The following RIF1 variants were observed in gnomAD, a reference collection of about 807,000 sequenced individuals.
RIF1 encodes the protein replication timing regulatory factor 1.
In RIF1, 45 loss-of-function variants were observed where a neutral mutation model predicts 247.1. That is an observed-to-expected ratio of 0.18 (90% CI 0.14 to 0.23). The LOEUF (loss-of-function observed/expected upper bound fraction) is 0.23. RIF1 is among the 10% of genes least tolerant of loss of function. The probability of loss-of-function intolerance (pLI) is 1.00; values close to 1 mark genes in which losing one functional copy is unlikely to be tolerated. For missense variants in RIF1, 2,967 were observed against 2,862.5 expected (o/e 1.04, Z -0.83); for synonymous variants, 1,087 against 978.8 (o/e 1.11, Z -2.06).
intron 20 of RIF1, among the ~76,000 whole-genome samples, chr2:151,447,036 C>T (rs1267527551): frequency 1.3e-5 from 2 of 151,280 alleles, no homozygotes; most frequent in Admixed American, 6.6e-5. Flanking sequence ...CTCCGCCTCC[C>T]GGGTTCACGC....
intron 10 of RIF1, chr2:151,496,504 T>C (rs998612561): frequency 1.4e-6 from 2 of 1,445,804 alleles, no homozygotes; most frequent in African/African-American, 2.9e-5. Context: ...GCTGACAAAA[T>C]GCCACCAGCT....
chr2:151,518,179 T>C, the RIF1 span: 2 of 700,062 alleles, frequency 2.9e-6, no homozygotes, highest in Non-Finnish European at 5.2e-6. Flanking sequence ...AAGAATTTGT[T>C]TCAAAAAGTT....
chr2:151,450,421 T>G (rs966168293), intron 20 of RIF1, among the ~76,000 whole-genome samples: 1 of 152,164 alleles, frequency 6.6e-6, no homozygotes, highest in Non-Finnish European at 1.5e-5. Flanking sequence ...TATTAAATAC[T>G]TTGATGCCAT....
At chr2:151,471,782 A>G (rs1188590747) in intron 34 of RIF1, among the ~76,000 whole-genome samples, 2 of 152,096 alleles carry the variant, frequency 1.3e-5, no homozygotes, top group Admixed American at 1.3e-4. Flanking sequence ...GCCTTGTAGT[A>G]TAGTTTGAAG....
chr2:151,464,853 A>C lies in RIF1; in HGVS notation c.5333A>C (p.Gln1778Pro). 6.2e-7 allele frequency: 1 copy of C among 1,602,964 alleles called. No homozygotes were observed. The stretch of plus-strand genomic sequence containing the variant: ...CCTGTAAGCCCATCAGAAACTTCTC[A>C]AGCTAATCCATATTCTGAAGGACAA... ...QAPVSPSETSQANPYSEGQFL... is the reference protein window; with the variant it reads ...QAPVSPSETSPANPYSEGQFL... Residue 1778 changes from glutamine (Q) to proline (P), a missense_variant, in exon 30 of 36, where the codon CAA becomes CCA. Gln to Pro is a moderately conservative substitution (Grantham distance 76). Transcript: ENST00000444746.
chr2:151,512,721 G>A (rs1431525608), downstream of RIF1: 4 of 1,589,634 alleles, frequency 2.5e-6, no homozygotes, highest in African/African-American at 1.3e-5. Flanking sequence ...ATGGCATGAC[G>A]AATGTCCTTA....
Position 151,465,579 on chromosome 2 carries a change from A to C in RIF1, c.6059A>C (p.Asn2020Thr). The C allele has an allele frequency of 1.9e-6, 3 of 1,613,914 alleles. No individual in the cohort carries two copies. The highest frequency in any genetic ancestry group is 2.5e-6 in the Non-Finnish European group (3 of 1,179,884). ...SSEETNTKMK[N>T]NEEMMIGEAM... ...GAAGAAACGAATACCAAAATGAAAA[A>C]TAATGAAGAAATGATGATCGGCGAG... The change falls in exon 30 of 36, where the codon AAT becomes ACT. Residue 2020 changes from asparagine (N) to threonine (T), a missense_variant. Physicochemically the swap from Asn to Thr is moderately conservative, Grantham distance 65 (BLOSUM62 0). Around this residue, in one of 7 missense-constraint regions of RIF1, gnomAD observed 2,028 missense variants for 1,825.6 expected, o/e 1.11. Coordinates refer to ENST00000444746, the MANE Select transcript of RIF1 (RefSeq NM_018151.5).
chr2:151,517,544 T>TA, the RIF1 span, among the ~76,000 whole-genome samples: 6 of 152,348 alleles, frequency 3.9e-5, no homozygotes, highest in Non-Finnish European at 8.8e-5. Flanking sequence ...TGGGATATGT[T>TA]ATGAGAAAGG....
At chr2:151,446,396 C>A in intron 19 of RIF1, 30 bp from the exon 20 acceptor site, 1 of 1,561,336 alleles carries the variant, frequency 6.4e-7, no homozygotes, top group Non-Finnish European at 8.7e-7. Context: ...TATATATTAA[C>A]AAAACTTCTT....
the RIF1 span, chr2:151,525,127 A>T: frequency 5.5e-6 from 8 of 1,455,180 alleles, no homozygotes; most frequent in Non-Finnish European, 7.7e-6. Flanking sequence ...CACTGCTTCA[A>T]ATGGGCCCCC....
chr2:151,509,613 GT>G (rs112997385), downstream of RIF1, among the ~76,000 whole-genome samples: 5 of 148,786 alleles, frequency 3.4e-5, no homozygotes, highest in South Asian at 2.1e-4. Context: ...AGGAAGAGAG[GT>G]TTTTTTTTTG....
At chr2:151,531,003 T>C in the RIF1 span, 1 of 1,610,568 alleles carries the variant, frequency 6.2e-7, no homozygotes, top group Non-Finnish European at 8.5e-7. Flanking sequence ...CATCACTGAC[T>C]TCATCTTTAA....
Position 151,479,750 on chromosome 2 carries a change from T to C in RIF1, c.*4679T>C, listed in dbSNP as rs2049090482. ...TGGAATTCTGTTAAGGTGTTAGATT[T>C]TCCTCACATATTTAAATAATCTGTA... On this transcript the variant is annotated 3_prime_UTR_variant, in exon 36 of 36. Transcript: ENST00000444746. The C allele has an allele frequency of 6.6e-6, 1 of 152,188 alleles. No homozygotes were observed. 9.4% of individuals were successfully genotyped at this position (152,188 alleles called of 1,614,324 possible). A position where few individuals can be genotyped will look rare whatever the true frequency, so the allele number is the denominator to read the frequency against.
At chr2:151,512,109 C>T (rs998029746), downstream of RIF1, among the ~76,000 whole-genome samples, 2 of 146,986 alleles carry the variant, frequency 1.4e-5, no homozygotes, top group African/African-American at 5.1e-5. Flanking sequence ...CGGCTCACTG[C>T]AAGCTCTGCC....
chr2:151,534,071 G>A, the RIF1 span: 3 of 630,532 alleles, frequency 4.8e-6, no homozygotes, highest in African/African-American at 5.4e-5. Flanking sequence ...CGGGCTTTTT[G>A]GGTGGCTAGA....
At chr2:151,415,563 C>CAAAAA (rs3040729) in intron 4 of RIF1, among the ~76,000 whole-genome samples, 1,087 of 44,852 alleles carry the variant, frequency 0.024, 139 homozygotes, top group South Asian at 0.11. Context: ...GACTCTGTCT[C>CAAAAA]AAAAAAAAAA....
the RIF1 span, chr2:151,529,114 A>G: frequency 1.2e-6 from 1 of 802,920 alleles, no homozygotes; most frequent in South Asian, 1.5e-5. Context: ...ATCAATCACT[A>G]GAGCTGAATT....
chr2:151,439,972 C>T (rs867094936), intron 14 of RIF1, 55 bp from the exon 15 acceptor site: 1 of 274,380 alleles, frequency 3.6e-6, no homozygotes, highest in Non-Finnish European at 6.2e-6. Flanking sequence ...GACCCTGTCT[C>T]AAAAAAAAAA....
downstream of RIF1, among the ~76,000 whole-genome samples, chr2:151,483,670 CTT>C (rs202092824): frequency 0.015 from 2,279 of 152,258 alleles, 70 homozygotes; most frequent in African/African-American, 0.052. Flanking sequence ...CTCCCATATA[CTT>C]TAAATCAGGG....
Sources: allele counts gnomAD v4.1 joint callset (sites outside exome capture counted in the v4.1 genomes callset), GRCh38; gene constraint gnomAD v4.1.1; regional missense constraint gnomAD v4.1.1; transcripts MANE v1.5; gene names NCBI Gene and HGNC (gene_info 2026-07-23, HGNC 2026-07-21).